Variants in OLA1 observed in about 807,000 individuals in gnomAD.
The protein encoded by OLA1 is Obg like ATPase 1.
Under a neutral mutation model 48.4 loss-of-function variants are expected in OLA1, and 14 were observed. That is an observed-to-expected ratio of 0.29 (90% CI 0.19 to 0.45). The LOEUF (loss-of-function observed/expected upper bound fraction) is 0.45, where lower values mean the gene tolerates loss of function less well. Among genes scored for constraint, OLA1 ranks in the 20% least tolerant of loss-of-function variants. The pLI is 1.00. For missense variants in OLA1, 325 were observed against 467.1 expected (o/e 0.70, Z 2.80); for synonymous variants, 127 against 150.4 (o/e 0.84, Z 1.14).
intron 4 of OLA1, among the ~76,000 whole-genome samples, chr2:174,183,397 A>C (rs1403857368): frequency 6.6e-6 from 1 of 152,240 alleles, no homozygotes; most frequent in Non-Finnish European, 1.5e-5. Flanking sequence ...AGTATGCACT[A>C]GGGCAGAGAA....
intron 4 of OLA1, among the ~76,000 whole-genome samples, chr2:174,214,823 G>A (rs1688324785): frequency 6.6e-6 from 1 of 152,116 alleles, no homozygotes; most frequent in South Asian, 2.1e-4. Flanking sequence ...GCCGAGGTGG[G>A]TGGATCACCT....
chr2:174,108,832 T>C (rs1489742301), intron 7 of OLA1, among the ~76,000 whole-genome samples: 1 of 152,194 alleles, frequency 6.6e-6, no homozygotes, highest in Admixed American at 6.6e-5. Flanking sequence ...AATCATGCCC[T>C]ATTTCAACAT....
At chr2:174,147,262 AC>A (rs1341388377) in intron 4 of OLA1, among the ~76,000 whole-genome samples, 3 of 152,232 alleles carry the variant, frequency 2.0e-5, no homozygotes, top group South Asian at 4.1e-4. Context: ...ACACATCTCT[AC>A]TAAAAATACA....
intron 4 of OLA1, among the ~76,000 whole-genome samples, chr2:174,206,217 C>G (rs1688111293): frequency 6.6e-6 from 1 of 152,102 alleles, no homozygotes; most frequent in African/African-American, 2.4e-5. Context: ...TGACAGCATT[C>G]TGACAAGAAA....
At chr2:174,183,642 A>C (rs1275430582) in intron 4 of OLA1, among the ~76,000 whole-genome samples, 2 of 152,352 alleles carry the variant, frequency 1.3e-5, no homozygotes, top group Middle Eastern at 3.4e-3. Flanking sequence ...AAAGCAAGCA[A>C]ACAACGATTT....
intron 4 of OLA1, among the ~76,000 whole-genome samples, chr2:174,219,017 G>C (rs1293870447): frequency 8.3e-6 from 1 of 120,176 alleles, no homozygotes; most frequent in African/African-American, 3.4e-5. Context: ...GTAGCAATGT[G>C]GTCTCCCTGT....
At position 174,095,882 on chromosome 2, in the gene OLA1, G is replaced by T. The variant is rs140471034; in HGVS notation, c.729-13818C>A. Among the ~76,000 whole-genome samples the T allele has an allele frequency of 5.6e-4, 85 of 151,998 alleles. 1 individual carries two copies. The East Asian group carries it at 0.014, about 25-fold the overall frequency. On this transcript the variant is annotated intron_variant, in intron 7 of 10. Transcript: ENST00000284719. ...ATAGGCAAATAATTTGAATAGACAG[G>T]TCTCCCTGGAGAATATATAATAACA...
intron 5 of OLA1, among the ~76,000 whole-genome samples, chr2:174,131,771 T>G (rs1247222594): frequency 6.6e-6 from 1 of 152,114 alleles, no homozygotes; most frequent in Non-Finnish European, 1.5e-5. Flanking sequence ...GTCTTTTTCT[T>G]ATTTATTTGT....
intron 5 of OLA1, among the ~76,000 whole-genome samples, chr2:174,134,888 G>A (rs1178681980): frequency 2.0e-5 from 3 of 152,204 alleles, no homozygotes; most frequent in Admixed American, 6.5e-5. Flanking sequence ...GGGGCCGGGC[G>A]TGGTGGCTCA....
intron 4 of OLA1, among the ~76,000 whole-genome samples, chr2:174,208,122 T>C (rs773608446): frequency 2.6e-5 from 4 of 152,134 alleles, no homozygotes; most frequent in South Asian, 2.1e-4. Context: ...AGCAAAAAAA[T>C]TGATGTTACT....
intron 7 of OLA1, among the ~76,000 whole-genome samples, chr2:174,089,732 T>G (rs1451437726): frequency 1.3e-5 from 2 of 151,486 alleles, no homozygotes; most frequent in African/African-American, 2.4e-5. Context: ...TGAAACGACG[T>G]TTCTACAAAA....
At chr2:174,225,092 A>G (rs1688587044) in intron 3 of OLA1, among the ~76,000 whole-genome samples, 1 of 152,180 alleles carries the variant, frequency 6.6e-6, no homozygotes, top group African/African-American at 2.4e-5. Flanking sequence ...TGGATCCCTC[A>G]TGAATGGCTT....
At chr2:174,194,485 G>A (rs942868139) in intron 4 of OLA1, among the ~76,000 whole-genome samples, 6 of 152,202 alleles carry the variant, frequency 3.9e-5, no homozygotes, top group East Asian at 1.9e-4. Context: ...TTTTCATTGC[G>A]AGGGTGGGAG....
chr2:174,146,416 C>A (rs748489417), intron 4 of OLA1, among the ~76,000 whole-genome samples: 2 of 152,158 alleles, frequency 1.3e-5, no homozygotes, highest in Admixed American at 1.3e-4. Flanking sequence ...TGAGTGATAA[C>A]CAGATAAGTG....
chr2:174,121,766 G>T (rs1408737548), intron 7 of OLA1, among the ~76,000 whole-genome samples: 1 of 152,170 alleles, frequency 6.6e-6, no homozygotes, highest in African/African-American at 2.4e-5. Flanking sequence ...TAAGCAGTCT[G>T]TCTACCATTA....
chr2:174,222,684 T>C (rs1484515090), intron 4 of OLA1, among the ~76,000 whole-genome samples: 1 of 152,152 alleles, frequency 6.6e-6, no homozygotes, highest in Non-Finnish European at 1.5e-5. Context: ...TCTGCCTCCT[T>C]AACACACAGA....
At chr2:174,113,921 G>T (rs1412625024) in intron 7 of OLA1, among the ~76,000 whole-genome samples, 3 of 152,054 alleles carry the variant, frequency 2.0e-5, no homozygotes, top group Non-Finnish European at 1.5e-5. Flanking sequence ...ATATCTGCTT[G>T]ATAAGTATAA....
At chr2:174,189,776 A>C (rs979920855) in intron 4 of OLA1, among the ~76,000 whole-genome samples, 2 of 151,874 alleles carry the variant, frequency 1.3e-5, no homozygotes, top group African/African-American at 4.8e-5. Flanking sequence ...ATTTTTGTAA[A>C]TCTATCTCCC....
intron 4 of OLA1, among the ~76,000 whole-genome samples, chr2:174,214,070 C>T (rs892321955): frequency 2.0e-5 from 3 of 151,872 alleles, no homozygotes; most frequent in African/African-American, 4.8e-5. Flanking sequence ...CAGTACCTCA[C>T]GCCTGTAATC....
Sources: allele counts gnomAD v4.1 joint callset (sites outside exome capture counted in the v4.1 genomes callset), GRCh38; gene constraint gnomAD v4.1.1; transcripts MANE v1.5; gene names NCBI Gene and HGNC (gene_info 2026-07-23, HGNC 2026-07-21).